The following KHK variants were observed in gnomAD, a reference collection of about 807,000 sequenced individuals.
The protein encoded by KHK is ketohexokinase.
KHK carries 37 observed loss-of-function variants against 36.0 expected under a neutral mutation model. That is an observed-to-expected ratio of 1.03 (90% CI 0.79 to 1.35). KHK has a LOEUF of 1.35. KHK is among the 40% of genes most tolerant of loss of function. The probability of loss-of-function intolerance (pLI) is 0.00; values close to 1 mark genes in which losing one functional copy is unlikely to be tolerated. For synonymous variants in KHK, 161 were observed against 162.8 expected, an observed-to-expected ratio of 0.99 and a Z score of 0.08; for missense variants, 395 against 391.9, an observed-to-expected ratio of 1.01 and a Z score of -0.07.
In KHK at chr2:27,099,504, G is replaced by A. The variant is rs751466422; in HGVS notation, c.738G>A (p.Pro246=). 22 of 1,613,998 alleles carry A rather than the reference G, an allele frequency of 1.4e-5. No individual in the cohort carries two copies. The highest frequency in any genetic ancestry group is 2.2e-5 in the East Asian group (1 of 44,896). ...DGKLLHSDAF[P]PPRVVDTLGA... is the part of the protein sequence containing the mutation. ...AATTGCTCCACTCGGATGCTTTCCC[G>A]CCACCCCGCGTGGTGGATACACTGG... Residue 246 remains proline, a synonymous_variant, in exon 7 of 8, where the codon CCG becomes CCA. Coordinates refer to ENST00000260598, the MANE Select transcript of KHK (RefSeq NM_006488.3).
rs377296521 is a variant in KHK, at chr2:27,089,998, A to G, written c.93-2334A>G. On this transcript the variant is annotated intron_variant, in intron 1 of 7. Coordinates refer to ENST00000260598, the MANE Select transcript of KHK (RefSeq NM_006488.3). ...ATCCCGAGTAGCTGGGATTACAGGC[A>G]TGTGCCACCACACCCAACTAATTTT... Among the ~76,000 whole-genome samples, 16 of 152,284 alleles carry G rather than the reference A, an allele frequency of 1.1e-4. No homozygotes were observed. In the East Asian group the frequency reaches 3.1e-3, roughly 29 times the overall value.
At chr2:27,094,674 A>T in intron 2 of KHK, 126 bp from the exon 3 acceptor site, 1 of 1,612,776 alleles carries the variant, frequency 6.2e-7, no homozygotes, top group Non-Finnish European at 8.5e-7. Flanking sequence ...CCAGAACAGG[A>T]CTCTTCTTCT....
rs976348134 is a variant in KHK at position 27,087,131 on chromosome 2, G to T, written c.-129G>T. 4.0e-6 allele frequency: 3 copies of T among 743,806 alleles called. No homozygotes were observed. In the African/African-American group the frequency reaches 5.3e-5, roughly 13 times the overall value. The allele number at this position is 743,806 out of a possible 1,614,324, so 46.1% of individuals were successfully genotyped here. ...CCTGGCCGCTGCAGGTGGCTCCCTG[G>T]AGGAGGAGCTCCCACGCGGAGGAGG... On this transcript the variant is annotated 5_prime_UTR_variant, in exon 1 of 8. Coordinates refer to ENST00000260598, the MANE Select transcript of KHK (RefSeq NM_006488.3).
intron 5 of KHK, 93 bp from the exon 6 acceptor site, chr2:27,099,102 TG>T (rs1558452298): frequency 9.6e-7 from 1 of 1,042,306 alleles, no homozygotes; most frequent in Non-Finnish European, 1.5e-6. Context: ...GTGGACATGT[TG>T]GGGGAGTCGT....
Position 27,087,351 on chromosome 2 carries a change from G to A in KHK, c.92G>A (p.Arg31Lys). The A allele has an allele frequency of 1.3e-6, 2 of 1,583,140 alleles. No individual in the cohort carries two copies. The highest frequency in any genetic ancestry group is 1.7e-6 in the Non-Finnish European group (2 of 1,163,886). The change falls in exon 1 of 8, where the codon AGG (arginine) becomes AAG (lysine). Residue 31 changes from arginine (R) to lysine (K), a missense_variant and splice_region_variant. Physicochemically the swap from Arg to Lys is conservative, Grantham distance 26. Transcript: ENST00000260598. Reference sequence around the variant, plus strand: ...TACCCTAAGGAGGACTCGGAGATAAGGTAGGGGCGCCCAGGTCCCCTAGGG... The same window carrying A: ...TACCCTAAGGAGGACTCGGAGATAAAGTAGGGGCGCCCAGGTCCCCTAGGG... ...DKYPKEDSEI[R>K]CLSQRWQRGG... is the part of the protein sequence containing the mutation.
intron 1 of KHK, among the ~76,000 whole-genome samples, chr2:27,089,567 A>C (rs1669860628): frequency 6.6e-6 from 1 of 152,184 alleles, no homozygotes; most frequent in Non-Finnish European, 1.5e-5. Flanking sequence ...CTGATGGGGC[A>C]GGTTCTGAAG....
rs749829816 is a variant in KHK at position 27,100,230 on chromosome 2, T to C, written c.*480T>C. The C allele has an allele frequency of 2.5e-6, 1 of 397,616 alleles. No individual in the cohort carries two copies. Among genetic ancestry groups the C allele is most frequent in the Non-Finnish European group, 4.7e-6 (1 of 210,884 alleles). 24.6% of individuals were successfully genotyped at this position (397,616 alleles called of 1,614,324 possible). A position where few individuals can be genotyped will look rare whatever the true frequency, so the allele number is the denominator to read the frequency against. The stretch of plus-strand genomic sequence containing the variant: ...CTTCGGGGCCCTGCGTTGTGCAGAC[T>C]CTATTCCCACAGCTCAGAAGCTGGG... On this transcript the variant is annotated 3_prime_UTR_variant, in exon 8 of 8. Coordinates refer to ENST00000260598, the MANE Select transcript of KHK (RefSeq NM_006488.3).
rs565438453 is a variant in KHK at position 27,099,914 on chromosome 2, G to A, written c.*164G>A. ...TGTGTTCCCCACAGGGAGAGGCTCTGGGGGGATGGCTGGGGGATGCAGAGC... is the reference window on the plus strand; with the variant it reads ...TGTGTTCCCCACAGGGAGAGGCTCTAGGGGGATGGCTGGGGGATGCAGAGC... On this transcript the variant is annotated 3_prime_UTR_variant, in exon 8 of 8. Transcript: ENST00000260598. 6.0e-6 allele frequency: 9 copies of A among 1,490,580 alleles called. No homozygotes were observed. The highest frequency in any genetic ancestry group is 5.6e-5 in the African/African-American group (4 of 71,858). The allele number at this position is 1,490,580 out of a possible 1,614,324, so 92.3% of individuals were successfully genotyped here.
chr2:27,095,416 A>G (rs187930665), intron 3 of KHK, among the ~76,000 whole-genome samples: 32 of 152,218 alleles, frequency 2.1e-4, no homozygotes, highest in African/African-American at 6.7e-4. Context: ...TGTAAAAGAG[A>G]TCAGCCCCCC....
intron 3 of KHK, among the ~76,000 whole-genome samples, chr2:27,096,004 G>A (rs975225415): frequency 6.6e-6 from 1 of 152,218 alleles, no homozygotes; most frequent in Admixed American, 6.5e-5. Flanking sequence ...AACTGCAGCA[G>A]GCTGCAAGGG....
chr2:27,091,446 G>A (rs540892375), intron 1 of KHK, among the ~76,000 whole-genome samples: 9 of 151,998 alleles, frequency 5.9e-5, no homozygotes, highest in East Asian at 1.9e-4. Context: ...CTGAAGTTTC[G>A]CGTACAAATA....
Position 27,099,682 on chromosome 2 carries a change from G to A in KHK, c.829G>A (p.Ala277Thr), listed in dbSNP as rs766663579. The A allele has an allele frequency of 6.2e-7, 1 of 1,614,186 alleles. No individual in the cohort carries two copies. The highest frequency in any genetic ancestry group is 2.2e-5 in the East Asian group (1 of 44,866). The change falls in exon 8 of 8, where the codon GCA (alanine) becomes ACA (threonine). Residue 277 changes from alanine to threonine, a missense_variant. Coordinates refer to ENST00000260598, the MANE Select transcript of KHK (RefSeq NM_006488.3). Reference protein sequence around the residue: ...SLSQGRSVQEALRFGCQVAGK... With the variant: ...SLSQGRSVQETLRFGCQVAGK... Reference sequence around the variant, plus strand: ...TCCTCCAGGGAGGAGCGTGCAGGAAGCACTGAGATTCGGGTGCCAGGTGGC... The same window carrying A: ...TCCTCCAGGGAGGAGCGTGCAGGAAACACTGAGATTCGGGTGCCAGGTGGC...
chr2:27,092,072 CT>C (rs1670042103), intron 1 of KHK, among the ~76,000 whole-genome samples: 1 of 152,218 alleles, frequency 6.6e-6, no homozygotes, highest in Non-Finnish European at 1.5e-5. Context: ...GAGTGGTTTC[CT>C]GTTGCCCTAG....
rs1056076303 is a variant in KHK, at chr2:27,094,740, C to T, written c.210-60C>T. The stretch of plus-strand genomic sequence containing the variant: ...CCCCACTCCTTTTGGAGGTCCAGAC[C>T]ACTTCCAGGCTCTAATCTGTGTCTC... On this transcript the variant is annotated intron_variant, in intron 2 of 7. Coordinates refer to ENST00000260598, the MANE Select transcript of KHK (RefSeq NM_006488.3). 7 of 1,613,636 alleles carry T rather than the reference C, an allele frequency of 4.3e-6. No homozygotes were observed. The African/African-American group carries it at 8.0e-5, about 18-fold the overall frequency.
chr2:27,097,550 A>G lies in KHK; in HGVS notation c.465A>G (p.Ala155=), dbSNP rs2148362079. The part of the protein sequence containing the change: ...EQVKMLQRID[A]HNTRQPPEQK... ...TGAAGATGCTGCAGCGGATAGACGC[A>G]CACAACACCAGGCAGCCTCCAGAGC... Residue 155 remains alanine (A), a synonymous_variant, in exon 5 of 8, where the codon GCA becomes GCG. Coordinates refer to ENST00000260598, the MANE Select transcript of KHK (RefSeq NM_006488.3). The G allele has an allele frequency of 6.2e-7, 1 of 1,613,992 alleles. No homozygotes were observed. The highest frequency in any genetic ancestry group is 8.5e-7 in the Non-Finnish European group (1 of 1,180,046).
At chr2:27,098,303 T>C (rs946885340) in intron 5 of KHK, among the ~76,000 whole-genome samples, 2 of 151,910 alleles carry the variant, frequency 1.3e-5, no homozygotes, top group African/African-American at 4.8e-5. Flanking sequence ...GGAGGATTGC[T>C]TGATGCCAGG....
At chr2:27,097,710 C>G in intron 5 of KHK, 61 bp downstream of exon 5, 2 of 1,606,946 alleles carry the variant, frequency 1.2e-6, no homozygotes, top group Non-Finnish European at 1.7e-6. Flanking sequence ...TAAAGGGAGC[C>G]AGAATCCTTT....
chr2:27,099,467 G>T lies in KHK; in HGVS notation c.701G>T (p.Gly234Val). 1.2e-6 allele frequency: 2 copies of T among 1,614,104 alleles called. No homozygotes were observed. Among genetic ancestry groups the T allele is most frequent in the Non-Finnish European group, 1.7e-6 (2 of 1,179,990 alleles). Residue 234 changes from glycine (G) to valine (V), a missense_variant, in exon 7 of 8, where the codon GGC becomes GTC. Coordinates refer to ENST00000260598, the MANE Select transcript of KHK (RefSeq NM_006488.3). Reference protein sequence around the residue: ...AWAEEGADALGPDGKLLHSDA... With the variant: ...AWAEEGADALVPDGKLLHSDA... The stretch of plus-strand genomic sequence containing the variant: ...GCTGAGGAGGGCGCCGACGCCCTGG[G>T]CCCTGATGGCAAATTGCTCCACTCG...
At position 27,100,543 on chromosome 2, in the gene KHK, C is replaced by T; in HGVS notation, c.*793C>T. The T allele has an allele frequency of 7.7e-7, 1 of 1,290,578 alleles. No homozygotes were observed. The highest frequency in any genetic ancestry group is 1.0e-6 in the Non-Finnish European group (1 of 988,592). 79.9% of individuals were successfully genotyped at this position (1,290,578 alleles called of 1,614,324 possible). On this transcript the variant is annotated 3_prime_UTR_variant, in exon 8 of 8. Coordinates refer to ENST00000260598, the MANE Select transcript of KHK (RefSeq NM_006488.3). ...AACTCCAATATAGGGTGGGTAAGGC[C>T]TTATAATGTAAAGAGCATATAATGT...
Sources: allele counts gnomAD v4.1 joint callset (sites outside exome capture counted in the v4.1 genomes callset), GRCh38; gene constraint gnomAD v4.1.1; transcripts MANE v1.5; gene names NCBI Gene and HGNC (gene_info 2026-07-23, HGNC 2026-07-21).